The following XKR6 variants were observed in gnomAD, a reference collection of about 807,000 sequenced individuals.
XKR6 encodes XK related 6, also known as XK-related protein 6.
Under a neutral mutation model 56.7 loss-of-function variants are expected in XKR6, and 22 were observed. The observed-to-expected ratio is 0.39, with a 90% CI of 0.28 to 0.55. The LOEUF (loss-of-function observed/expected upper bound fraction) is 0.55, where lower values mean the gene tolerates loss of function less well. XKR6 is among the 20% of genes least tolerant of loss of function. The pLI is 0.66. For missense variants in XKR6, 852 were observed against 889.0 expected, an observed-to-expected ratio of 0.96 and a Z score of 0.53; for synonymous variants, 524 against 387.8, an observed-to-expected ratio of 1.35 and a Z score of -4.13.
chr8:11,116,933 G>C (rs552864628), intron 1 of XKR6, among the ~76,000 whole-genome samples: 1 of 152,106 alleles, frequency 6.6e-6, no homozygotes, highest in South Asian at 2.1e-4. Flanking sequence ...ATCCTCAGAG[G>C]TATATTTCAG....
intron 1 of XKR6, among the ~76,000 whole-genome samples, chr8:10,945,343 G>C (rs1228531479): frequency 1.3e-5 from 2 of 152,176 alleles, no homozygotes; most frequent in African/African-American, 4.8e-5. Context: ...AATTAGCTGG[G>C]CATGGTGGTG....
chr8:11,062,579 T>C (rs1016370839), intron 1 of XKR6: 13 of 363,414 alleles, frequency 3.6e-5, no homozygotes, highest in African/African-American at 1.3e-4. Context: ...GCTGATTAAA[T>C]GCACTAGCAA....
chr8:11,187,846 A>C, intron 1 of XKR6, among the ~76,000 whole-genome samples: 1 of 152,218 alleles, frequency 6.6e-6, no homozygotes, highest in Non-Finnish European at 1.5e-5. Context: ...ATGAATCTAC[A>C]TAACCCAGGA....
rs118051651 is a variant in XKR6, at chr8:10,961,229, A to C, written c.765-36399T>G. ...TTTAAACAGTGAAGCTGCAAGATCC[A>C]ATTTACCAATTAAGAAGATCCCTCC... On this transcript the variant is annotated intron_variant, in intron 1 of 2. Transcript: ENST00000416569. Among the ~76,000 whole-genome samples, 112 of 152,318 alleles carry C rather than the reference A, an allele frequency of 7.4e-4. 2 individuals carry two copies. The East Asian group carries it at 0.02, about 27-fold the overall frequency.
At chr8:11,081,359 A>G (rs1225808762) in intron 1 of XKR6, among the ~76,000 whole-genome samples, 1 of 152,196 alleles carries the variant, frequency 6.6e-6, no homozygotes. Flanking sequence ...CCAATGTCAA[A>G]TAGGTTATCC....
chr8:10,989,537 A>G (rs746417567), intron 1 of XKR6, among the ~76,000 whole-genome samples: 1 of 152,238 alleles, frequency 6.6e-6, no homozygotes, highest in Non-Finnish European at 1.5e-5. Context: ...GGCTTTCACC[A>G]TATAGCAGAG....
chr8:11,148,979 G>A (rs1397067788), intron 1 of XKR6, among the ~76,000 whole-genome samples: 1 of 152,206 alleles, frequency 6.6e-6, no homozygotes, highest in African/African-American at 2.4e-5. Flanking sequence ...AATGTATGAT[G>A]AAAGAAATAT....
At chr8:10,942,396 C>T (rs947473648) in intron 1 of XKR6, among the ~76,000 whole-genome samples, 1 of 152,366 alleles carries the variant, frequency 6.6e-6, no homozygotes, top group Middle Eastern at 3.4e-3. Flanking sequence ...CGCCACGGCC[C>T]TGAGTCCACA....
intron 1 of XKR6, among the ~76,000 whole-genome samples, chr8:11,004,522 A>G (rs891545506): frequency 1.3e-5 from 2 of 152,150 alleles, no homozygotes; most frequent in Non-Finnish European, 2.9e-5. Context: ...GGTGGGACAA[A>G]GATATATTGA....
At chr8:11,063,481 C>T (rs939623545) in intron 1 of XKR6, among the ~76,000 whole-genome samples, 4 of 150,434 alleles carry the variant, frequency 2.7e-5, no homozygotes, top group Non-Finnish European at 5.9e-5. Context: ...ATTATTCCTC[C>T]CCAGCTCCCC....
At chr8:11,108,484 A>C (rs1486690089) in intron 1 of XKR6, 3 of 391,334 alleles carry the variant, frequency 7.7e-6, no homozygotes, top group Non-Finnish European at 1.0e-5. Context: ...ACAGGACATT[A>C]GTACTCAACT....
chr8:11,181,816 CTA>C (rs1259411010), intron 1 of XKR6, among the ~76,000 whole-genome samples: 2 of 152,164 alleles, frequency 1.3e-5, no homozygotes, highest in South Asian at 2.1e-4. Context: ...CAAAACAACC[CTA>C]TGACATAGTA....
chr8:10,902,900 A>G (rs1800078663), intron 2 of XKR6, among the ~76,000 whole-genome samples: 1 of 151,988 alleles, frequency 6.6e-6, no homozygotes, highest in Non-Finnish European at 1.5e-5. Context: ...TTTCTAATCT[A>G]CCTCATCACC....
Position 11,170,633 on chromosome 8 carries a change from G to A in XKR6, c.764+29943C>T, listed in dbSNP as rs1048269038. The stretch of plus-strand genomic sequence containing the variant: ...TAAAATTAGCACATTTGTGGTAATC[G>A]TTGCACAACTCTGTGAAGATACAAA... On this transcript the variant is annotated intron_variant, in intron 1 of 2. Coordinates refer to ENST00000416569, the MANE Select transcript of XKR6 (RefSeq NM_173683.4). Among the ~76,000 whole-genome samples the A allele has an allele frequency of 9.2e-5, 14 of 152,272 alleles. 1 individual carries two copies. Among genetic ancestry groups the A allele is most frequent in the Non-Finnish European group, 1.9e-4 (13 of 68,014 alleles).
intron 1 of XKR6, among the ~76,000 whole-genome samples, chr8:10,947,170 A>G (rs1801576088): frequency 6.6e-6 from 1 of 152,156 alleles, no homozygotes; most frequent in Admixed American, 6.5e-5. Context: ...CCATGGTGGT[A>G]ATGCTGGCAA....
intron 1 of XKR6, among the ~76,000 whole-genome samples, chr8:11,024,894 T>G (rs562659638): frequency 1.3e-4 from 20 of 152,334 alleles, no homozygotes; most frequent in Admixed American, 7.2e-4. Flanking sequence ...ACATCCCAAG[T>G]TGAGACAGCA....
rs149748655 is a variant in XKR6, at chr8:11,132,767, GCA to G, written c.764+67807_764+67808del. Among the ~76,000 whole-genome samples the G allele has an allele frequency of 1.5e-3, 204 of 138,198 alleles. No individual in the cohort carries two copies. The South Asian group carries it at 0.016, about 11-fold the overall frequency. 90.7% of individuals were successfully genotyped at this position (138,198 alleles called of 152,430 possible). A position where few individuals can be genotyped will look rare whatever the true frequency, so the allele number is the denominator to read the frequency against. ...CCTTCATTCATACACACACACGCAC[GCA>G]CACACACACACACACACGCACATTT... On this transcript the variant is annotated intron_variant, in intron 1 of 2. Transcript: ENST00000416569.
intron 1 of XKR6, among the ~76,000 whole-genome samples, chr8:10,999,011 G>A (rs556774746): frequency 6.6e-6 from 1 of 152,188 alleles, no homozygotes; most frequent in African/African-American, 2.4e-5. Flanking sequence ...TGTTCTGAGG[G>A]TCAACATAAA....
At chr8:11,121,040 G>C (rs140019698) in intron 1 of XKR6, among the ~76,000 whole-genome samples, 6,812 of 152,248 alleles carry the variant, frequency 0.045, 157 homozygotes, top group South Asian at 0.11. Context: ...ATTAATTCAA[G>C]ATGGATTAAA....
Sources: allele counts gnomAD v4.1 joint callset (sites outside exome capture counted in the v4.1 genomes callset), GRCh38; gene constraint gnomAD v4.1.1; transcripts MANE v1.5; gene names NCBI Gene and HGNC (gene_info 2026-07-23, HGNC 2026-07-21).